WDR35: variants seen among roughly 807,000 people sequenced by gnomAD.
WDR35 encodes the protein WD repeat domain 35.
In WDR35, 118 loss-of-function variants were observed where a neutral mutation model predicts 158.3. That is an observed-to-expected ratio of 0.75 (90% confidence interval 0.64 to 0.87). The LOEUF (loss-of-function observed/expected upper bound fraction) is 0.87. Ranked by LOEUF, WDR35 falls within the 40% of genes least tolerant of loss-of-function variation. WDR35 has a pLI of 0.00. For missense variants in WDR35, 1,263 were observed against 1,405.8 expected (o/e 0.90, Z 1.62); for synonymous variants, 448 against 476.1 (o/e 0.94, Z 0.77).
intron 25 of WDR35, among the ~76,000 whole-genome samples, chr2:19,927,562 A>G (rs974030866): frequency 6.6e-6 from 1 of 152,224 alleles, no homozygotes; most frequent in Non-Finnish European, 1.5e-5. Context: ...ATGGTGGTAT[A>G]GTGGCACCTC....
rs201734421 is a variant in WDR35 at position 19,953,971 on chromosome 2, C to A, written c.1263G>T (p.Leu421Phe). The change falls in exon 12 of 27, where the codon TTG becomes TTT. Residue 421 changes from leucine (L) to phenylalanine (F), a missense_variant. Leu to Phe is a conservative substitution (Grantham distance 22, BLOSUM62 0). Transcript: ENST00000281405. ...CATGGGTTTTGGTCATTGCAACAAA[C>A]AATGGTACTGTTAAAAATAACATTA... Reference protein sequence around the residue: ...LDPKYIDIVPLFVAMTKTHVI... With the variant: ...LDPKYIDIVPFFVAMTKTHVI... 11 of 1,613,946 alleles carry A rather than the reference C, an allele frequency of 6.8e-6. No homozygotes were observed. The highest frequency in any genetic ancestry group is 8.5e-6 in the Non-Finnish European group (10 of 1,180,000).
intron 25 of WDR35, among the ~76,000 whole-genome samples, chr2:19,915,919 TAAAAA>T (rs4035119): frequency 1.6e-5 from 2 of 124,768 alleles, no homozygotes; most frequent in Admixed American, 8.1e-5. Context: ...AGACTCCATC[TAAAAA>T]AAAAAAAAAA....
intron 13 of WDR35, among the ~76,000 whole-genome samples, chr2:19,949,525 T>C (rs1671168354): frequency 6.6e-6 from 1 of 152,216 alleles, no homozygotes; most frequent in Admixed American, 6.5e-5. Flanking sequence ...ACCATTTAAA[T>C]GTAAACTTCA....
intron 15 of WDR35, 110 bp from the exon 16 acceptor site, chr2:19,946,106 T>C: frequency 1.7e-6 from 2 of 1,167,906 alleles, no homozygotes; most frequent in African/African-American, 1.6e-5. Context: ...ATCAGAAACC[T>C]GGAATACAGT....
intron 10 of WDR35, among the ~76,000 whole-genome samples, chr2:19,965,016 C>G (rs1241667355): frequency 1.3e-5 from 2 of 151,976 alleles, no homozygotes; most frequent in Non-Finnish European, 2.9e-5. Context: ...CTCTGCCTCC[C>G]GGGTTCAAGC....
At chr2:19,975,744 T>G (rs1672188915) in intron 5 of WDR35, 81 bp from the exon 6 acceptor site, 1 of 1,572,160 alleles carries the variant, frequency 6.4e-7, no homozygotes, top group Admixed American at 1.7e-5. Context: ...TTTCTAAAGA[T>G]CTCACAAATT....
chr2:19,946,875 T>C (rs1671077378), intron 14 of WDR35, among the ~76,000 whole-genome samples: 1 of 152,194 alleles, frequency 6.6e-6, no homozygotes, highest in African/African-American at 2.4e-5. Context: ...AAGTTATTTA[T>C]ATTTGTTATC....
rs959168745 is a variant in WDR35 at position 19,911,005 on chromosome 2, T to G, written c.*2553A>C. On this transcript the variant is annotated 3_prime_UTR_variant, in exon 27 of 27. Coordinates refer to ENST00000281405, the MANE Select transcript of WDR35 (RefSeq NM_020779.4). ...GAGAGGTTGTTTTTAGAGATACTGGTTTCTGGATCCAACTGAATGAGAAAT... is the reference window on the plus strand; with the variant it reads ...GAGAGGTTGTTTTTAGAGATACTGGGTTCTGGATCCAACTGAATGAGAAAT... 7 of 152,100 alleles carry G rather than the reference T, an allele frequency of 4.6e-5. No homozygotes were observed. The highest frequency in any genetic ancestry group is 1.0e-4 in the Non-Finnish European group (7 of 68,014). 9.4% of individuals were successfully genotyped at this position (152,100 alleles called of 1,614,324 possible).
chr2:19,983,666 A>G (rs1033516869), intron 2 of WDR35, among the ~76,000 whole-genome samples: 1 of 152,208 alleles, frequency 6.6e-6, no homozygotes, highest in African/African-American at 2.4e-5. Context: ...GATAACAAGT[A>G]TCTTAAAATA....
At chr2:19,957,449 C>A (rs2118444) in intron 11 of WDR35, among the ~76,000 whole-genome samples, 1 of 151,458 alleles carries the variant, frequency 6.6e-6, no homozygotes, top group Non-Finnish European at 1.5e-5. Flanking sequence ...TTAACAGATA[C>A]AATGTTTTAG....
At chr2:19,916,528 C>A (rs552187180) in intron 25 of WDR35, among the ~76,000 whole-genome samples, 3 of 152,202 alleles carry the variant, frequency 2.0e-5, no homozygotes, top group African/African-American at 7.2e-5. Flanking sequence ...TTTGAGCTAA[C>A]CTGGGATGCT....
chr2:19,932,171 G>C (rs2103398128), intron 23 of WDR35, 112 bp downstream of exon 23: 1 of 1,347,898 alleles, frequency 7.4e-7, no homozygotes, highest in Admixed American at 1.9e-5. Flanking sequence ...AAACCAGAGT[G>C]GTTTTGCTGT....
In WDR35 at chr2:19,946,556, G is replaced by T; in HGVS notation, c.1539C>A (p.Gly513=). 1 of 1,613,464 alleles carries T rather than the reference G, an allele frequency of 6.2e-7. No individual in the cohort carries two copies. The highest frequency in any genetic ancestry group is 8.5e-7 in the Non-Finnish European group (1 of 1,179,598). ...DKILIVGRES[G]TIQRYSLPNV... ...TAGGTAGACTGTATCTCTGAATGGT[G>T]CCAGATTCACGACCCTATGGAAATT... The change falls in exon 15 of 27, where the codon GGC becomes GGA. Residue 513 remains glycine, a synonymous_variant. Coordinates refer to ENST00000281405, the MANE Select transcript of WDR35 (RefSeq NM_020779.4).
Position 19,937,690 on chromosome 2 carries a change from T to A in WDR35, c.2267+53A>T, listed in dbSNP as rs559546061. The A allele has an allele frequency of 2.7e-5, 44 of 1,609,798 alleles. No homozygotes were observed. In the African/African-American group the frequency reaches 5.5e-4, roughly 20 times the overall value. On this transcript the variant is annotated intron_variant, in intron 19 of 26. Coordinates refer to ENST00000281405, the MANE Select transcript of WDR35 (RefSeq NM_020779.4). ...ATTTATAGTTTCCATTTGTAAAAAA[T>A]ACAATGATGAACTGATAGAGTACTC...
At chr2:19,942,509 C>T (rs957297905) in intron 16 of WDR35, among the ~76,000 whole-genome samples, 1 of 151,342 alleles carries the variant, frequency 6.6e-6, no homozygotes, top group Non-Finnish European at 1.5e-5. Flanking sequence ...TATAAAGTAG[C>T]TGCCCTAGAT....
chr2:19,989,855 G>T, intron 1 of WDR35, 137 bp downstream of exon 1: 1 of 1,431,500 alleles, frequency 7.0e-7, no homozygotes, highest in Non-Finnish European at 9.6e-7. Context: ...GGCTGGACCC[G>T]GCGGGAAGGA....
intron 25 of WDR35, among the ~76,000 whole-genome samples, chr2:19,917,090 C>T (rs750387171): frequency 5.9e-5 from 9 of 152,182 alleles, no homozygotes; most frequent in Non-Finnish European, 1.2e-4. Context: ...ACTGGTGATA[C>T]CCAGGCAAAC....
chr2:19,956,643 C>T (rs1193802178), intron 11 of WDR35, among the ~76,000 whole-genome samples: 4 of 129,244 alleles, frequency 3.1e-5, no homozygotes, highest in Admixed American at 8.9e-5. Context: ...TTTTTTGAGA[C>T]GGAGTTTCGC....
intron 25 of WDR35, among the ~76,000 whole-genome samples, chr2:19,929,956 G>A (rs906828396): frequency 6.6e-6 from 1 of 151,424 alleles, no homozygotes; most frequent in African/African-American, 2.4e-5. Flanking sequence ...TTAAAACGTG[G>A]TTTTCAAAAA....
Sources: allele counts gnomAD v4.1 joint callset (sites outside exome capture counted in the v4.1 genomes callset), GRCh38; gene constraint gnomAD v4.1.1; transcripts MANE v1.5; gene names NCBI Gene and HGNC (gene_info 2026-07-23, HGNC 2026-07-21).